Variants in WWOX observed in about 807,000 individuals in gnomAD.
The protein encoded by WWOX is WW domain containing oxidoreductase.
In WWOX, 69 loss-of-function variants were observed where a neutral mutation model predicts 46.2. The ratio of observed to expected loss-of-function variants is 1.49; its 90% confidence interval spans 1.23 to 1.82. WWOX has a LOEUF of 1.82. Among genes scored for constraint, WWOX ranks in the 40% most tolerant of loss-of-function variants. The probability of loss-of-function intolerance (pLI) is 0.00; values close to 1 mark genes in which losing one functional copy is unlikely to be tolerated. For missense variants in WWOX, 919 were observed against 542.6 expected (o/e 1.69, Z -6.89); for synonymous variants, 359 against 202.6 (o/e 1.77, Z -6.56).
chr16:78,794,801 T>A (rs1167310851), intron 8 of WWOX, among the ~76,000 whole-genome samples: 1 of 152,240 alleles, frequency 6.6e-6, no homozygotes, highest in African/African-American at 2.4e-5. Flanking sequence ...AGATCCTTTC[T>A]AATGCAGAAG....
chr16:79,145,203 C>G (rs1198537669), intron 8 of WWOX, among the ~76,000 whole-genome samples: 1 of 152,100 alleles, frequency 6.6e-6, no homozygotes, highest in African/African-American at 2.4e-5. Context: ...TAATTTATTA[C>G]AGCAACCAAT....
intron 4 of WWOX, among the ~76,000 whole-genome samples, chr16:78,153,436 T>C (rs1013849067): frequency 6.6e-6 from 1 of 152,112 alleles, no homozygotes; most frequent in Non-Finnish European, 1.5e-5. Flanking sequence ...ACAAAAACAG[T>C]CCCCACATTT....
chr16:78,484,858 A>G (rs1283472177), intron 8 of WWOX, among the ~76,000 whole-genome samples: 2 of 152,124 alleles, frequency 1.3e-5, no homozygotes, highest in Admixed American at 6.5e-5. Context: ...GTGCCATTGC[A>G]TTTGTCTCCA....
intron 5 of WWOX, among the ~76,000 whole-genome samples, chr16:78,218,669 G>A (rs571566728): frequency 5.9e-5 from 9 of 152,294 alleles, no homozygotes; most frequent in Non-Finnish European, 1.2e-4. Flanking sequence ...GATGTGTAGC[G>A]TGGTCTCCAT....
intron 8 of WWOX, among the ~76,000 whole-genome samples, chr16:78,877,764 A>G (rs972514358): frequency 2.6e-5 from 4 of 152,158 alleles, no homozygotes; most frequent in African/African-American, 9.7e-5. Context: ...GTGGAAGACA[A>G]TATTTATTGG....
rs529306883 is a variant in WWOX at position 78,460,366 on chromosome 16, C to T, written c.1056+27614C>T. Among the ~76,000 whole-genome samples, 7 of 152,282 alleles carry T rather than the reference C, an allele frequency of 4.6e-5. No individual in the cohort carries two copies. In the South Asian group the frequency reaches 6.2e-4, roughly 14 times the overall value. On this transcript the variant is annotated intron_variant, in intron 8 of 8. Transcript: ENST00000566780. The stretch of plus-strand genomic sequence containing the variant: ...TGTTCTCAAACTACTGACCTCTCCT[C>T]GGCCTTGCAAAGTGCTGGGATTATA...
intron 5 of WWOX, among the ~76,000 whole-genome samples, chr16:78,242,289 C>T (rs954315114): frequency 6.6e-6 from 1 of 152,084 alleles, no homozygotes; most frequent in Non-Finnish European, 1.5e-5. Flanking sequence ...CTGAGAGAGC[C>T]CAGCTATTTA....
chr16:78,316,725 A>C (rs1034718927), intron 5 of WWOX, among the ~76,000 whole-genome samples: 1 of 152,120 alleles, frequency 6.6e-6, no homozygotes. Context: ...TTTGCAATCT[A>C]TAAGCTTCTG....
chr16:79,189,938 G>GT (rs1567607349), intron 8 of WWOX, among the ~76,000 whole-genome samples: 2 of 150,538 alleles, frequency 1.3e-5, no homozygotes, highest in Non-Finnish European at 3.0e-5. Context: ...TGGGGAAGGG[G>GT]GGGGGGATAA....
chr16:78,721,496 G>A (rs943969451), intron 8 of WWOX, among the ~76,000 whole-genome samples: 1 of 152,172 alleles, frequency 6.6e-6, no homozygotes, highest in Non-Finnish European at 1.5e-5. Flanking sequence ...AAACTCTATT[G>A]CTGGTGGCGG....
At chr16:78,812,835 A>G (rs73577414) in intron 8 of WWOX, among the ~76,000 whole-genome samples, 5 of 152,200 alleles carry the variant, frequency 3.3e-5, no homozygotes, top group African/African-American at 1.2e-4. Flanking sequence ...TAAGTTTTCA[A>G]ACTTTTTAAA....
Position 78,190,466 on chromosome 16 carries a change from C to G in WWOX, c.516+26177C>G, listed in dbSNP as rs569775106. ...ACCAAATCAGTCCTATCCAGTATAC[C>G]TAGTGACTCTCTGGTCTCCAAAGGC... On this transcript the variant is annotated intron_variant, in intron 5 of 8. Coordinates refer to ENST00000566780, the MANE Select transcript of WWOX (RefSeq NM_016373.4). 2.6e-5 allele frequency among the ~76,000 whole-genome samples: 4 copies of G among 152,288 alleles called. No homozygotes were observed. In the South Asian group the frequency reaches 6.2e-4, roughly 24 times the overall value.
At chr16:78,254,814 C>G (rs888895161) in intron 5 of WWOX, among the ~76,000 whole-genome samples, 1 of 152,150 alleles carries the variant, frequency 6.6e-6, no homozygotes, top group African/African-American at 2.4e-5. Flanking sequence ...CAGGTGTGAA[C>G]CACCACATCT....
intron 8 of WWOX, among the ~76,000 whole-genome samples, chr16:78,871,216 C>T (rs1203635680): frequency 6.6e-6 from 1 of 151,698 alleles, no homozygotes; most frequent in African/African-American, 2.4e-5. Flanking sequence ...GTAAAAACCC[C>T]CGCTGCTGTC....
At chr16:78,753,826 ATATATAT>A (rs1239935447) in intron 8 of WWOX, among the ~76,000 whole-genome samples, 10 of 25,614 alleles carry the variant, frequency 3.9e-4, no homozygotes, top group African/African-American at 1.2e-3. Context: ...AAAAAAAAAA[ATATATAT>A]ATATATATAT....
At chr16:78,991,604 A>AAAAAAAT (rs2046888659) in intron 8 of WWOX, among the ~76,000 whole-genome samples, 1 of 150,524 alleles carries the variant, frequency 6.6e-6, no homozygotes, top group South Asian at 2.1e-4. Flanking sequence ...TTGTCTCAAA[A>AAAAAAAT]AAAAAAAAAA....
intron 5 of WWOX, among the ~76,000 whole-genome samples, chr16:78,203,126 A>G (rs1471234116): frequency 1.3e-5 from 2 of 152,120 alleles, no homozygotes; most frequent in African/African-American, 4.8e-5. Flanking sequence ...TAAAGGCCAT[A>G]AGGCTGGATG....
intron 8 of WWOX, among the ~76,000 whole-genome samples, chr16:78,609,999 G>A (rs922234896): frequency 8.6e-6 from 1 of 116,908 alleles, no homozygotes; most frequent in South Asian, 3.0e-4. Flanking sequence ...TGACGCAAAC[G>A]ACCTTTATTT....
At chr16:78,601,325 A>C (rs2045616809) in intron 8 of WWOX, among the ~76,000 whole-genome samples, 1 of 152,116 alleles carries the variant, frequency 6.6e-6, no homozygotes, top group South Asian at 2.1e-4. Flanking sequence ...ACTGTTGGAG[A>C]CAGATTCTGG....
Sources: allele counts gnomAD v4.1 joint callset (sites outside exome capture counted in the v4.1 genomes callset), GRCh38; gene constraint gnomAD v4.1.1; transcripts MANE v1.5; gene names NCBI Gene and HGNC (gene_info 2026-07-23, HGNC 2026-07-21).